The following VPS13B variants were observed in gnomAD, a reference collection of about 807,000 sequenced individuals.
VPS13B encodes the protein intermembrane lipid transfer protein VPS13B.
A neutral mutation model predicts 426.4 loss-of-function variants in VPS13B; 285 were observed. The observed-to-expected ratio is 0.67, with a 90% CI of 0.61 to 0.74. The LOEUF (loss-of-function observed/expected upper bound fraction) is 0.74. VPS13B is among the 30% of genes least tolerant of loss of function. The pLI is 0.00. For synonymous variants in VPS13B, 1,676 were observed against 1,676.4 expected, an observed-to-expected ratio of 1.00 and a Z score of 0.01; for missense variants, 4,537 against 4,782.6, an observed-to-expected ratio of 0.95 and a Z score of 1.51.
chr8:99,784,546 C>A, intron 43 of VPS13B, 70 bp downstream of exon 43: 1 of 1,590,914 alleles, frequency 6.3e-7, no homozygotes, highest in Non-Finnish European at 8.6e-7. Flanking sequence ...CACTTGTGTG[C>A]CTGTCCAGTT....
chr8:99,239,307 T>C (rs1405557253), intron 17 of VPS13B, among the ~76,000 whole-genome samples: 6 of 152,104 alleles, frequency 3.9e-5, no homozygotes, highest in African/African-American at 1.4e-4. Context: ...TTGAATTAAG[T>C]GTTACTTATT....
intron 19 of VPS13B, among the ~76,000 whole-genome samples, chr8:99,328,517 ACT>A (rs748075995): frequency 3.3e-5 from 5 of 152,070 alleles, no homozygotes; most frequent in Non-Finnish European, 5.9e-5. Context: ...GGACCTGGAT[ACT>A]CTCTGTTTCC....
chr8:99,708,768 C>T (rs1258138942), intron 36 of VPS13B, among the ~76,000 whole-genome samples: 2 of 151,512 alleles, frequency 1.3e-5, no homozygotes, highest in East Asian at 3.9e-4. Context: ...ATGTTTTGTC[C>T]CACATATCAT....
At chr8:99,831,105 C>A (rs1346196005) in intron 51 of VPS13B, among the ~76,000 whole-genome samples, 1 of 108,782 alleles carries the variant, frequency 9.2e-6, no homozygotes, top group Non-Finnish European at 1.8e-5. Context: ...TAGAGTCTCG[C>A]CCTGTCACCC....
intron 33 of VPS13B, among the ~76,000 whole-genome samples, chr8:99,588,608 GCACT>G (rs1826433650): frequency 6.6e-6 from 1 of 151,488 alleles, no homozygotes; most frequent in Non-Finnish European, 1.5e-5. Flanking sequence ...TCATGATTTG[GCACT>G]CTGTTTGTTA....
intron 17 of VPS13B, among the ~76,000 whole-genome samples, chr8:99,258,476 CT>C (rs1817872152): frequency 6.6e-6 from 1 of 151,944 alleles, no homozygotes; most frequent in South Asian, 2.1e-4. Context: ...GCTCTGGAGC[CT>C]ATGGGGGAGA....
chr8:99,101,999 G>A (rs1846779541), intron 4 of VPS13B, among the ~76,000 whole-genome samples: 1 of 151,110 alleles, frequency 6.6e-6, no homozygotes, highest in South Asian at 2.1e-4. Flanking sequence ...TTTTTCTCCT[G>A]GCTTTTAAAA....
At chr8:99,024,571 T>C (rs1043002232) in intron 2 of VPS13B, among the ~76,000 whole-genome samples, 1 of 152,220 alleles carries the variant, frequency 6.6e-6, no homozygotes, top group Non-Finnish European at 1.5e-5. Flanking sequence ...CTTTCCCTAA[T>C]GTGTGTTCTT....
intron 15 of VPS13B, 48 bp downstream of exon 15, chr8:99,156,791 G>C (rs770315867): frequency 6.3e-7 from 1 of 1,588,738 alleles, no homozygotes; most frequent in South Asian, 1.1e-5. Flanking sequence ...TTGGCTTTGG[G>C]ATCATCAGAT....
chr8:99,619,032 T>A (rs574684538), intron 33 of VPS13B, among the ~76,000 whole-genome samples: 62 of 152,234 alleles, frequency 4.1e-4, no homozygotes, highest in African/African-American at 1.4e-3. Context: ...CTATAATAGT[T>A]CCTATGTACA....
At chr8:99,147,466 C>T (rs1810800062) in intron 13 of VPS13B, among the ~76,000 whole-genome samples, 1 of 152,110 alleles carries the variant, frequency 6.6e-6, no homozygotes, top group Admixed American at 6.6e-5. Context: ...ACAAGTCCCT[C>T]ATGGAGCTGG....
chr8:99,439,363 T>C (rs1817567102), intron 22 of VPS13B, among the ~76,000 whole-genome samples: 1 of 152,158 alleles, frequency 6.6e-6, no homozygotes, highest in Admixed American at 6.5e-5. Flanking sequence ...AGGATATTAA[T>C]ACTTGAAAGT....
chr8:99,439,212 TTTAA>T (rs1279620704), intron 22 of VPS13B, among the ~76,000 whole-genome samples: 1 of 152,196 alleles, frequency 6.6e-6, no homozygotes, highest in Non-Finnish European at 1.5e-5. Context: ...AAAATAATTG[TTTAA>T]TTGTTTCTAC....
rs143042430 is a variant in VPS13B, at chr8:99,598,202, T to G, written c.5220+20569T>G. Among the ~76,000 whole-genome samples, 927 of 152,160 alleles carry G rather than the reference T, an allele frequency of 6.1e-3. 13 individuals carry two copies. Among genetic ancestry groups the G allele is most frequent in the African/African-American group, 0.021 (882 of 41,534 alleles). On this transcript the variant is annotated intron_variant, in intron 33 of 61. Coordinates refer to ENST00000357162, the MANE Select transcript of VPS13B (RefSeq NM_152564.5). ...AGGTGTGCCTGAAAGTTCAGATCCG[T>G]TTTAGTCTGAAGCTCTCAGTTGTGC...
At position 99,337,228 on chromosome 8, in the gene VPS13B, TTGGAAATC is replaced by T. The variant is rs1283967515; in HGVS notation, c.2825-46979_2825-46972del. Among the ~76,000 whole-genome samples the T allele has an allele frequency of 3.3e-5, 5 of 151,864 alleles. No homozygotes were observed. In the East Asian group the frequency reaches 9.7e-4, roughly 29 times the overall value. On this transcript the variant is annotated intron_variant, in intron 19 of 61. Coordinates refer to ENST00000357162, the MANE Select transcript of VPS13B (RefSeq NM_152564.5). ...GTCCTTTGTAGGGACATGGATGAAATTGGAAATCATCATTCTCAGTGAAGTATCACAAG... is the reference window on the plus strand; with the variant it reads ...GTCCTTTGTAGGGACATGGATGAAATATCATTCTCAGTGAAGTATCACAAG...
chr8:99,866,503 T>C (rs959245277), intron 58 of VPS13B, among the ~76,000 whole-genome samples: 4 of 152,216 alleles, frequency 2.6e-5, no homozygotes, highest in Non-Finnish European at 5.9e-5. Context: ...TAACACCTTG[T>C]CATGGGACTC....
At chr8:99,565,731 G>A (rs1199190985) in intron 31 of VPS13B, among the ~76,000 whole-genome samples, 4 of 152,002 alleles carry the variant, frequency 2.6e-5, no homozygotes, top group African/African-American at 9.7e-5. Context: ...ATAGGAATAT[G>A]GAAAGAAAGA....
chr8:99,543,767 C>G (rs917211174), intron 30 of VPS13B, among the ~76,000 whole-genome samples: 41 of 151,800 alleles, frequency 2.7e-4, no homozygotes, highest in Admixed American at 3.9e-4. Context: ...AATGAGATAC[C>G]ATCTCACACT....
intron 17 of VPS13B, among the ~76,000 whole-genome samples, chr8:99,218,301 G>T (rs1273864585): frequency 2.6e-5 from 4 of 152,128 alleles, no homozygotes; most frequent in African/African-American, 7.2e-5. Flanking sequence ...TTACTATCTG[G>T]CCCTTTATAG....
Sources: allele counts gnomAD v4.1 joint callset (sites outside exome capture counted in the v4.1 genomes callset), GRCh38; gene constraint gnomAD v4.1.1; transcripts MANE v1.5; gene names NCBI Gene and HGNC (gene_info 2026-07-23, HGNC 2026-07-21).